APBB2: variants seen among roughly 807,000 people sequenced by gnomAD.
APBB2 encodes Fe65-like 1.
In APBB2, 38 loss-of-function variants were observed where a neutral mutation model predicts 82.5. The observed-to-expected ratio is 0.46, with a 90% CI of 0.36 to 0.60. The LOEUF is 0.60. APBB2 is among the 20% of genes least tolerant of loss of function. APBB2 has a pLI of 0.00. For missense variants in APBB2, 772 were observed against 972.3 expected, an observed-to-expected ratio of 0.79 and a Z score of 2.74; for synonymous variants, 341 against 368.2, an observed-to-expected ratio of 0.93 and a Z score of 0.85.
intron 6 of APBB2, among the ~76,000 whole-genome samples, chr4:40,972,714 T>C (rs1465768169): frequency 6.6e-6 from 1 of 152,200 alleles, no homozygotes; most frequent in Non-Finnish European, 1.5e-5. Context: ...ATCCAGTTAG[T>C]AATTTCCAGT....
At chr4:41,180,529 TG>T (rs143670275) in intron 1 of APBB2, among the ~76,000 whole-genome samples, 4 of 151,800 alleles carry the variant, frequency 2.6e-5, no homozygotes, top group Non-Finnish European at 5.9e-5. Context: ...AACTACTTGA[TG>T]GGGGGGCAGA....
chr4:40,837,569 A>C (rs186987078), intron 12 of APBB2, among the ~76,000 whole-genome samples: 16 of 152,320 alleles, frequency 1.1e-4, no homozygotes, highest in African/African-American at 2.4e-5. Context: ...TGGTTATCTG[A>C]AATTCTACCA....
At position 40,834,201 on chromosome 4, in the gene APBB2, G is replaced by C. The variant is rs554351747; in HGVS notation, c.1530-3624C>G. Among the ~76,000 whole-genome samples the C allele has an allele frequency of 4.6e-5, 7 of 152,172 alleles. 1 individual carries two copies. The South Asian group carries it at 1.5e-3, about 32-fold the overall frequency. On this transcript the variant is annotated intron_variant, in intron 12 of 17. Coordinates refer to ENST00000508593, the MANE Select transcript of APBB2 (RefSeq NM_004307.2). ...AGGCAGCAATCTGTCAGTCCATGAC[G>C]GTGGGTGAGTCCGGTAACTAACCCT...
intron 2 of APBB2, among the ~76,000 whole-genome samples, chr4:41,115,781 A>C (rs550431329): frequency 6.6e-6 from 1 of 152,318 alleles, no homozygotes; most frequent in Non-Finnish European, 1.5e-5. Flanking sequence ...TCTCATGCCA[A>C]TTAGAATGGC....
chr4:40,870,284 G>T (rs1031594007), intron 12 of APBB2, among the ~76,000 whole-genome samples: 1 of 152,216 alleles, frequency 6.6e-6, no homozygotes, highest in Admixed American at 6.5e-5. Context: ...AGGGCAGAGT[G>T]AGGGGCAGCG....
chr4:40,986,195 A>G (rs1197960292), intron 6 of APBB2, among the ~76,000 whole-genome samples: 2 of 152,208 alleles, frequency 1.3e-5, no homozygotes, highest in African/African-American at 4.8e-5. Flanking sequence ...ATAAAATAGT[A>G]AGGCTAAAAA....
chr4:41,074,582 A>G (rs1734948495), intron 3 of APBB2, among the ~76,000 whole-genome samples: 1 of 150,654 alleles, frequency 6.6e-6, no homozygotes, highest in African/African-American at 2.4e-5. Context: ...TAATTCTACC[A>G]TATGAAGGCA....
At chr4:40,930,930 G>A (rs1784083690) in intron 10 of APBB2, among the ~76,000 whole-genome samples, 2 of 152,036 alleles carry the variant, frequency 1.3e-5, no homozygotes, top group Non-Finnish European at 2.9e-5. Context: ...TGTATTTTTA[G>A]TAGAGACGGG....
At chr4:41,213,902 C>A (rs1252672550) in intron 1 of APBB2, among the ~76,000 whole-genome samples, 2 of 152,216 alleles carry the variant, frequency 1.3e-5, no homozygotes, top group African/African-American at 4.8e-5. Flanking sequence ...GAGCGCGCTG[C>A]CGCCCAGGAG....
chr4:41,115,424 T>A (rs1750653749), intron 2 of APBB2, among the ~76,000 whole-genome samples: 1 of 152,156 alleles, frequency 6.6e-6, no homozygotes, highest in Non-Finnish European at 1.5e-5. Flanking sequence ...AAAGACTTCA[T>A]GACTAAAACA....
chr4:40,883,629 G>A (rs968880018), intron 12 of APBB2, among the ~76,000 whole-genome samples: 2 of 150,396 alleles, frequency 1.3e-5, no homozygotes, highest in Admixed American at 1.3e-4. Context: ...CTACGGAACA[G>A]TAGCAAGGCT....
chr4:41,058,981 G>A (rs892355667), intron 4 of APBB2, among the ~76,000 whole-genome samples: 2 of 152,172 alleles, frequency 1.3e-5, no homozygotes, highest in African/African-American at 4.8e-5. Flanking sequence ...TTAAAGCTCT[G>A]AAGATGTAAA....
chr4:40,951,081 A>G (rs1790005256), intron 6 of APBB2, among the ~76,000 whole-genome samples: 1 of 152,214 alleles, frequency 6.6e-6, no homozygotes, highest in African/African-American at 2.4e-5. Flanking sequence ...AAATGCAAGG[A>G]TACAGTCATC....
intron 6 of APBB2, among the ~76,000 whole-genome samples, chr4:40,982,882 C>G (rs767676014): frequency 6.6e-6 from 1 of 152,212 alleles, no homozygotes; most frequent in Non-Finnish European, 1.5e-5. Flanking sequence ...CAACATGTGA[C>G]AGGCTCCTGC....
At chr4:41,063,491 A>G (rs1730565148) in intron 4 of APBB2, among the ~76,000 whole-genome samples, 1 of 152,176 alleles carries the variant, frequency 6.6e-6, no homozygotes, top group South Asian at 2.1e-4. Context: ...GATGCTAACA[A>G]TATCTGAAAA....
intron 5 of APBB2, among the ~76,000 whole-genome samples, chr4:41,028,401 C>G (rs1250994116): frequency 6.6e-6 from 1 of 152,188 alleles, no homozygotes; most frequent in Non-Finnish European, 1.5e-5. Context: ...CACATGAAGC[C>G]AACCATGAGA....
chr4:40,812,188 A>G lies in APBB2; in HGVS notation c.*3904T>C, dbSNP rs964132862. ...AATCAAAGCAAAATGCTCCATTACTAAAGTGATTTCTAAGAAGTCTGAGGT... is the reference window on the plus strand; with the variant it reads ...AATCAAAGCAAAATGCTCCATTACTGAAGTGATTTCTAAGAAGTCTGAGGT... On this transcript the variant is annotated 3_prime_UTR_variant, in exon 18 of 18. Coordinates refer to ENST00000508593, the MANE Select transcript of APBB2 (RefSeq NM_004307.2). The G allele has an allele frequency of 2.6e-5, 4 of 152,344 alleles. No homozygotes were observed. Among genetic ancestry groups the G allele is most frequent in the African/African-American group, 9.6e-5 (4 of 41,576 alleles). 9.4% of individuals were successfully genotyped at this position (152,344 alleles called of 1,614,324 possible). A position where few individuals can be genotyped will look rare whatever the true frequency, so the allele number is the denominator to read the frequency against.
intron 1 of APBB2, among the ~76,000 whole-genome samples, chr4:41,153,262 T>G (rs1483290007): frequency 6.6e-6 from 1 of 152,202 alleles, no homozygotes; most frequent in Non-Finnish European, 1.5e-5. Flanking sequence ...TTAGTTCTTG[T>G]GGTCTCAGAA....
At chr4:41,166,636 C>A (rs7656511) in intron 1 of APBB2, among the ~76,000 whole-genome samples, 4,232 of 151,280 alleles carry the variant, frequency 0.028, 109 homozygotes, top group African/African-American at 0.069. Context: ...TGGCTTACAC[C>A]TGTAATCCCA....
Sources: gnomAD v4.1 joint callset for allele counts (sites outside exome capture counted in the v4.1 genomes callset) on GRCh38, gnomAD v4.1.1 for gene constraint, MANE v1.5 for transcripts, NCBI Gene and HGNC (gene_info 2026-07-23, HGNC 2026-07-21) for gene names.